Variants in TBC1D22A observed in about 807,000 individuals in gnomAD.
TBC1D22A encodes putative GTPase activator.
A neutral mutation model predicts 60.2 loss-of-function variants in TBC1D22A; 38 were observed. That is an observed-to-expected ratio of 0.63 (90% confidence interval 0.49 to 0.83). The LOEUF is 0.83. TBC1D22A is among the 40% of genes least tolerant of loss of function. The pLI is 0.00. For synonymous variants in TBC1D22A, 302 were observed against 281.7 expected, an observed-to-expected ratio of 1.07 and a Z score of -0.72; for missense variants, 628 against 701.0, an observed-to-expected ratio of 0.90 and a Z score of 1.18.
intron 4 of TBC1D22A, among the ~76,000 whole-genome samples, chr22:46,875,632 A>G (rs577400440): frequency 1.9e-4 from 29 of 152,114 alleles, no homozygotes; most frequent in African/African-American, 7.0e-4. Flanking sequence ...TTGTATTTTT[A>G]GTAGAGATGG....
At position 46,777,658 on chromosome 22, in the gene TBC1D22A, G is replaced by C. The variant is rs1881759314; in HGVS notation, c.62+14810G>C. On this transcript the variant is annotated intron_variant, in intron 1 of 12. Transcript: ENST00000337137. The surrounding 1 kb of genome is among the most constrained non-coding windows in gnomAD (Gnocchi z 4.5). ...TGGCAGGAGGCAGAGGAGGGAGCAA[G>C]AAGAAAGAGCTCAGTGTGATGAGTC... Among the ~76,000 whole-genome samples the C allele has an allele frequency of 6.6e-6, 1 of 152,174 alleles. No homozygotes were observed. Among genetic ancestry groups the C allele is most frequent in the African/African-American group, 2.4e-5 (1 of 41,438 alleles).
chr22:46,863,052 C>T (rs1471817712), intron 4 of TBC1D22A, among the ~76,000 whole-genome samples: 1 of 152,216 alleles, frequency 6.6e-6, no homozygotes, highest in African/African-American at 2.4e-5. Context: ...ATGGCTGCCC[C>T]AGCAGGAGCT....
chr22:47,051,269 A>G (rs114808891), intron 11 of TBC1D22A, among the ~76,000 whole-genome samples: 3,537 of 152,312 alleles, frequency 0.023, 117 homozygotes, highest in African/African-American at 0.08. Context: ...ACATAGAGCA[A>G]ATTTCCCTAG....
chr22:47,127,421 A>G (rs952980945), intron 12 of TBC1D22A, among the ~76,000 whole-genome samples: 28 of 55,962 alleles, frequency 5.0e-4, no homozygotes, highest in African/African-American at 1.8e-3. Flanking sequence ...TTGTATTTTT[A>G]GTAGAGACGG....
At position 47,025,986 on chromosome 22, in the gene TBC1D22A, A is replaced by ATG. The variant is rs549593788; in HGVS notation, c.1202-11083_1202-11082dup. Reference sequence around the variant, plus strand: ...AGACTGGTATCCATCATGAGCATAAATGTAAGGATCCTGAACAGATTTTAG... The same window carrying ATG: ...AGACTGGTATCCATCATGAGCATAAATGTGTAAGGATCCTGAACAGATTTTAG... On this transcript the variant is annotated intron_variant, in intron 10 of 12. Transcript: ENST00000337137. Among the ~76,000 whole-genome samples the ATG allele has an allele frequency of 2.6e-4, 40 of 152,364 alleles. No individual in the cohort carries two copies. The East Asian group carries it at 6.5e-3, about 25-fold the overall frequency.
intron 10 of TBC1D22A, among the ~76,000 whole-genome samples, chr22:47,026,029 T>C (rs1250642122): frequency 1.3e-5 from 2 of 152,258 alleles, no homozygotes; most frequent in Non-Finnish European, 2.9e-5. Flanking sequence ...AATCCAACAG[T>C]ACACATCCCG....
At chr22:46,952,185 C>T (rs2072945942) in intron 8 of TBC1D22A, among the ~76,000 whole-genome samples, 1 of 109,960 alleles carries the variant, frequency 9.1e-6, no homozygotes, top group Non-Finnish European at 2.1e-5. Flanking sequence ...CACAGCATGT[C>T]CACATCTTTG....
At chr22:46,792,678 G>T in intron 2 of TBC1D22A, 102 bp downstream of exon 2, 1 of 1,608,384 alleles carries the variant, frequency 6.2e-7, no homozygotes, top group Non-Finnish European at 8.5e-7. Context: ...GCATTCCTCA[G>T]GGAGGAGACT....
chr22:46,768,470 G>A (rs1281472355), intron 1 of TBC1D22A, among the ~76,000 whole-genome samples: 1 of 132,652 alleles, frequency 7.5e-6, no homozygotes. Context: ...GGGCAACAGA[G>A]CGAGACTCTG....
rs778695708 is a variant in TBC1D22A, at chr22:46,799,678, A to G, written c.637+2058A>G. ...GCGCAGCAGCTTTGCCGGTCTCTGC[A>G]TTTCCATCTTGACACTTTAGCAGAG... On this transcript the variant is annotated intron_variant, in intron 4 of 12. Transcript: ENST00000337137. Among the ~76,000 whole-genome samples, 4 of 152,266 alleles carry G rather than the reference A, an allele frequency of 2.6e-5. No individual in the cohort carries two copies. In the East Asian group the frequency reaches 7.7e-4, roughly 29 times the overall value.
At chr22:46,893,480 C>T (rs948729928) in intron 6 of TBC1D22A, among the ~76,000 whole-genome samples, 15 of 152,212 alleles carry the variant, frequency 9.9e-5, no homozygotes, top group Non-Finnish European at 2.1e-4. Context: ...GCCTCGTCTG[C>T]TCAATAAATG....
intron 8 of TBC1D22A, among the ~76,000 whole-genome samples, chr22:46,930,884 C>G (rs1490924733): frequency 6.6e-6 from 1 of 152,214 alleles, no homozygotes; most frequent in Non-Finnish European, 1.5e-5. Flanking sequence ...TTCTACCTTA[C>G]ACAAATTCAC....
intron 12 of TBC1D22A, among the ~76,000 whole-genome samples, chr22:47,171,068 C>T (rs2068429478): frequency 6.6e-6 from 1 of 152,184 alleles, no homozygotes; most frequent in Admixed American, 6.5e-5. Flanking sequence ...TGTGCCTGCA[C>T]AGCTCAGCTC....
At chr22:46,895,220 C>T (rs915643479) in intron 7 of TBC1D22A, among the ~76,000 whole-genome samples, 1 of 151,986 alleles carries the variant, frequency 6.6e-6, no homozygotes, top group Non-Finnish European at 1.5e-5. Flanking sequence ...CCCTGTGCAA[C>T]CCCCTTCCTG....
chr22:46,808,612 T>G (rs1017585948), intron 4 of TBC1D22A, among the ~76,000 whole-genome samples: 7 of 152,050 alleles, frequency 4.6e-5, no homozygotes, highest in African/African-American at 1.4e-4. Context: ...TTTTTTTTTT[T>G]GGGAGACAGT....
chr22:46,783,821 T>C (rs1259524612), intron 1 of TBC1D22A, among the ~76,000 whole-genome samples: 2 of 152,162 alleles, frequency 1.3e-5, no homozygotes, highest in Non-Finnish European at 2.9e-5. Context: ...AATGGGCATC[T>C]AGGTTTATCT....
intron 4 of TBC1D22A, among the ~76,000 whole-genome samples, chr22:46,852,843 C>T (rs577099458): frequency 9.2e-5 from 14 of 152,138 alleles, no homozygotes; most frequent in East Asian, 5.8e-4. Flanking sequence ...TCTCCCTGTG[C>T]GCAGACCCTG....
intron 11 of TBC1D22A, among the ~76,000 whole-genome samples, chr22:47,062,035 C>T (rs975784851): frequency 1.4e-5 from 2 of 147,808 alleles, no homozygotes; most frequent in Admixed American, 1.4e-4. Context: ...TTGCAGTGAG[C>T]CCAGATCGCT....
chr22:47,083,765 G>A (rs1441241320), intron 11 of TBC1D22A, among the ~76,000 whole-genome samples: 2 of 152,098 alleles, frequency 1.3e-5, no homozygotes, highest in Non-Finnish European at 2.9e-5. Flanking sequence ...TATTCAAATG[G>A]CCATCAAACA....
Sources: gnomAD v4.1 joint callset for allele counts (sites outside exome capture counted in the v4.1 genomes callset) on GRCh38, gnomAD v4.1.1 for gene constraint, Gnocchi (gnomAD v3.1) non-coding constraint, MANE v1.5 for transcripts, NCBI Gene and HGNC (gene_info 2026-07-23, HGNC 2026-07-21) for gene names.